CSMD1: variants seen among roughly 807,000 people sequenced by gnomAD.
CSMD1 encodes the protein CUB and sushi domain-containing protein 1.
In CSMD1, 213 loss-of-function variants were observed where a neutral mutation model predicts 417.5. The ratio of observed to expected loss-of-function variants is 0.51; its 90% confidence interval spans 0.46 to 0.57. The LOEUF (loss-of-function observed/expected upper bound fraction) is 0.57. Ranked by LOEUF, CSMD1 falls within the 20% of genes least tolerant of loss-of-function variation. The pLI, the probability that CSMD1 is intolerant of heterozygous loss-of-function variation, is 0.00. For synonymous variants in CSMD1, 2,862 were observed against 1,736.8 expected (o/e 1.65, Z -16.11); for missense variants, 6,923 against 4,529.7 (o/e 1.53, Z -15.17).
rs79881826 is a variant in CSMD1, at chr8:4,340,631, G to A, written c.415+79322C>T. On this transcript the variant is annotated intron_variant, in intron 3 of 69. Coordinates refer to ENST00000635120, the MANE Select transcript of CSMD1 (RefSeq NM_033225.6). ...GCTTGGCTGCGCCTCCTCTGCCAAT[G>A]AGCCAAGTGGAGCTTGGTCGTGAAT... 1.2e-4 allele frequency among the ~76,000 whole-genome samples: 18 copies of A among 152,184 alleles called. No homozygotes were observed. The South Asian group carries it at 2.7e-3, about 23-fold the overall frequency.
At chr8:4,261,764 G>A (rs944859277) in intron 3 of CSMD1, among the ~76,000 whole-genome samples, 2 of 152,074 alleles carry the variant, frequency 1.3e-5, no homozygotes, top group Non-Finnish European at 2.9e-5. Flanking sequence ...TCTATGTGAA[G>A]TGATGAATAT....
chr8:4,688,318 G>T (rs1160611155), intron 1 of CSMD1, among the ~76,000 whole-genome samples: 1 of 152,120 alleles, frequency 6.6e-6, no homozygotes, highest in African/African-American at 2.4e-5. Flanking sequence ...ATGGGCTTGG[G>T]ATGCAGGTCA....
At chr8:3,761,861 T>C (rs1010518548) in intron 5 of CSMD1, among the ~76,000 whole-genome samples, 1 of 152,028 alleles carries the variant, frequency 6.6e-6, no homozygotes, top group African/African-American at 2.4e-5. Context: ...CTCATGATTG[T>C]CTCTGGCAAA....
chr8:4,550,678 T>G (rs1168024871), intron 2 of CSMD1, among the ~76,000 whole-genome samples: 1 of 152,142 alleles, frequency 6.6e-6, no homozygotes, highest in Non-Finnish European at 1.5e-5. Flanking sequence ...AGGTGACAAA[T>G]ATACTCTCCT....
intron 25 of CSMD1, among the ~76,000 whole-genome samples, chr8:3,303,840 T>C (rs12545641): frequency 0.32 from 48,399 of 152,076 alleles, 8,182 homozygotes; most frequent in South Asian, 0.48. Context: ...GATTAGACTT[T>C]TAATTAAATT....
At chr8:4,977,306 G>A (rs897953871) in intron 1 of CSMD1, among the ~76,000 whole-genome samples, 1 of 152,144 alleles carries the variant, frequency 6.6e-6, no homozygotes, top group Non-Finnish European at 1.5e-5. Flanking sequence ...AAGGCAAGAA[G>A]GGTTATACGC....
intron 5 of CSMD1, among the ~76,000 whole-genome samples, chr8:3,831,715 T>C (rs2129087988): frequency 6.6e-6 from 1 of 152,302 alleles, no homozygotes; most frequent in East Asian, 1.9e-4. Context: ...AATTTACTAT[T>C]GAAAAAGAAT....
At chr8:3,878,955 G>A (rs1411456173) in intron 5 of CSMD1, among the ~76,000 whole-genome samples, 1 of 152,062 alleles carries the variant, frequency 6.6e-6, no homozygotes, top group South Asian at 2.1e-4. Context: ...ATATGACTAA[G>A]TTTTTAAAAT....
At chr8:3,562,983 A>T (rs1190625251) in intron 10 of CSMD1, among the ~76,000 whole-genome samples, 1 of 151,994 alleles carries the variant, frequency 6.6e-6, no homozygotes, top group Non-Finnish European at 1.5e-5. Context: ...TTAGCCCAAA[A>T]CTCTTCACAA....
At chr8:3,392,036 C>T (rs1024710483) in intron 17 of CSMD1, among the ~76,000 whole-genome samples, 14 of 142,644 alleles carry the variant, frequency 9.8e-5, no homozygotes, top group Non-Finnish European at 1.8e-4. Flanking sequence ...TGTTCTCACT[C>T]ATAGGTGGGA....
intron 1 of CSMD1, among the ~76,000 whole-genome samples, chr8:4,802,373 GTGT>G (rs1451978427): frequency 3.9e-5 from 6 of 151,940 alleles, no homozygotes; most frequent in Non-Finnish European, 5.9e-5. Flanking sequence ...GTGTGTGTGT[GTGT>G]GTAGGGATAG....
rs1289221186 is a variant in CSMD1 at position 3,551,642 on chromosome 8, G to T, written c.1344+23303C>A. 9.5e-5 allele frequency among the ~76,000 whole-genome samples: 13 copies of T among 136,788 alleles called. No individual in the cohort carries two copies. The Admixed American group carries it at 1.0e-3, about 11-fold the overall frequency. 89.7% of individuals were successfully genotyped at this position (136,788 alleles called of 152,430 possible). A position where few individuals can be genotyped will look rare whatever the true frequency, so the allele number is the denominator to read the frequency against. ...GAAGATACATTATGTTCTTTCCGGT[G>T]CTCATTTAATACCAAGCCAGTGTAT... On this transcript the variant is annotated intron_variant, in intron 10 of 69. Coordinates refer to ENST00000635120, the MANE Select transcript of CSMD1 (RefSeq NM_033225.6).
At chr8:4,237,177 C>G (rs556520928) in intron 3 of CSMD1, among the ~76,000 whole-genome samples, 2 of 152,302 alleles carry the variant, frequency 1.3e-5, no homozygotes, top group East Asian at 3.9e-4. Context: ...AAGCTCCCTT[C>G]GCCTTTCCAT....
At chr8:3,411,668 A>ACG (rs1482382270) in intron 12 of CSMD1, among the ~76,000 whole-genome samples, 1 of 109,888 alleles carries the variant, frequency 9.1e-6, no homozygotes, top group African/African-American at 3.7e-5. Flanking sequence ...ATATATATAT[A>ACG]CGTGTATATA....
chr8:4,047,108 G>C (rs1467808776), intron 3 of CSMD1, among the ~76,000 whole-genome samples: 1 of 152,160 alleles, frequency 6.6e-6, no homozygotes, highest in Non-Finnish European at 1.5e-5. Context: ...TGAAGCTGTG[G>C]CTTCAATGGA....
intron 49 of CSMD1, among the ~76,000 whole-genome samples, chr8:3,062,529 T>C (rs1372719916): frequency 6.7e-6 from 1 of 148,180 alleles, no homozygotes; most frequent in East Asian, 2.0e-4. Context: ...TAAAGCAAAC[T>C]TAAAAACAAC....
At chr8:4,158,232 C>T (rs1461061133) in intron 3 of CSMD1, among the ~76,000 whole-genome samples, 20 of 151,818 alleles carry the variant, frequency 1.3e-4, no homozygotes. Context: ...GATGCTAGGA[C>T]GGAGGATCAT....
At chr8:4,830,629 G>A (rs547237595) in intron 1 of CSMD1, among the ~76,000 whole-genome samples, 129 of 152,158 alleles carry the variant, frequency 8.5e-4, no homozygotes, top group Non-Finnish European at 1.7e-3. Context: ...ACTTGATCGT[G>A]GTAGTTTTTT....
chr8:3,815,740 A>G (rs1484328967), intron 5 of CSMD1, among the ~76,000 whole-genome samples: 1 of 151,968 alleles, frequency 6.6e-6, no homozygotes, highest in South Asian at 2.1e-4. Flanking sequence ...TCTCATGTAC[A>G]TAACATGGAA....
Sources: allele counts gnomAD v4.1 joint callset (sites outside exome capture counted in the v4.1 genomes callset), GRCh38; gene constraint gnomAD v4.1.1; transcripts MANE v1.5; gene names NCBI Gene and HGNC (gene_info 2026-07-23, HGNC 2026-07-21).